Variants in HS6ST3 observed in about 807,000 individuals in gnomAD.
The protein encoded by HS6ST3 is heparan-sulfate 6-O-sulfotransferase 3.
Under a neutral mutation model 36.7 loss-of-function variants are expected in HS6ST3, and 12 were observed. The ratio of observed to expected loss-of-function variants is 0.33; its 90% CI spans 0.21 to 0.53. The LOEUF (loss-of-function observed/expected upper bound fraction) is 0.53, where lower values mean the gene tolerates loss of function less well. HS6ST3 is among the 20% of genes least tolerant of loss of function. The pLI is 0.95. For synonymous variants in HS6ST3, 240 were observed against 257.5 expected, an observed-to-expected ratio of 0.93 and a Z score of 0.65; for missense variants, 584 against 640.9, an observed-to-expected ratio of 0.91 and a Z score of 0.96.
intron 1 of HS6ST3, among the ~76,000 whole-genome samples, chr13:96,629,709 G>T (rs1167086152): frequency 6.6e-6 from 1 of 152,082 alleles, no homozygotes; most frequent in South Asian, 2.1e-4. Flanking sequence ...ATTTCTAGGT[G>T]TGGATTTCTT....
intron 1 of HS6ST3, among the ~76,000 whole-genome samples, chr13:96,386,701 C>G (rs1231818341): frequency 6.6e-6 from 1 of 152,050 alleles, no homozygotes; most frequent in East Asian, 1.9e-4. Context: ...CCTGTCTCTA[C>G]TAAAAATACA....
At chr13:96,199,977 T>C (rs1397492537) in intron 1 of HS6ST3, among the ~76,000 whole-genome samples, 1 of 152,178 alleles carries the variant, frequency 6.6e-6, no homozygotes, top group Admixed American at 6.5e-5. Flanking sequence ...GAAAAATATT[T>C]CTGACACTGA....
At chr13:96,418,940 T>A (rs2055548462) in intron 1 of HS6ST3, among the ~76,000 whole-genome samples, 1 of 152,212 alleles carries the variant, frequency 6.6e-6, no homozygotes, top group African/African-American at 2.4e-5. Flanking sequence ...AGGAGGGATC[T>A]GACCCATGTC....
At chr13:96,479,520 G>A (rs2055880363) in intron 1 of HS6ST3, among the ~76,000 whole-genome samples, 1 of 152,196 alleles carries the variant, frequency 6.6e-6, no homozygotes, top group Non-Finnish European at 1.5e-5. Flanking sequence ...AAATGGATTA[G>A]AATGGATTGA....
chr13:96,417,783 ACGGTAACGATGTTC>A (rs2055542050), intron 1 of HS6ST3, among the ~76,000 whole-genome samples: 1 of 149,962 alleles, frequency 6.7e-6, no homozygotes, highest in South Asian at 2.1e-4. Context: ...CTCATTATTC[ACGGTAACGATGTTC>A]TATAAAGTTG....
intron 1 of HS6ST3, among the ~76,000 whole-genome samples, chr13:96,370,935 G>A (rs899566905): frequency 2.0e-5 from 3 of 151,912 alleles, no homozygotes; most frequent in African/African-American, 7.2e-5. Context: ...TAAAAATGTC[G>A]ATTATTACTC....
At chr13:96,829,818 T>A (rs1878735715) in intron 1 of HS6ST3, among the ~76,000 whole-genome samples, 1 of 152,226 alleles carries the variant, frequency 6.6e-6, no homozygotes, top group Non-Finnish European at 1.5e-5. Flanking sequence ...CATGTGCATG[T>A]GTCTATATAA....
intron 1 of HS6ST3, among the ~76,000 whole-genome samples, chr13:96,131,853 C>T (rs993838207): frequency 2.7e-5 from 4 of 150,814 alleles, no homozygotes; most frequent in East Asian, 3.9e-4. Context: ...ACCTGACAAA[C>T]GTCACAAAAT....
chr13:96,484,163 GA>G (rs1395266592), intron 1 of HS6ST3, among the ~76,000 whole-genome samples: 1 of 151,726 alleles, frequency 6.6e-6, no homozygotes, highest in Non-Finnish European at 1.5e-5. Flanking sequence ...CTTTATTGAG[GA>G]AAAAATGGTA....
intron 1 of HS6ST3, among the ~76,000 whole-genome samples, chr13:96,301,183 A>C (rs1217454951): frequency 6.6e-6 from 1 of 152,228 alleles, no homozygotes. Flanking sequence ...TTTCTTATTC[A>C]CAATGTTAAC....
intron 1 of HS6ST3, among the ~76,000 whole-genome samples, chr13:96,410,624 A>G (rs1172552581): frequency 6.6e-6 from 1 of 152,212 alleles, no homozygotes; most frequent in Non-Finnish European, 1.5e-5. Flanking sequence ...TGGTTTGTTA[A>G]CCATAATTAT....
intron 1 of HS6ST3, among the ~76,000 whole-genome samples, chr13:96,105,484 C>G (rs2053837361): frequency 6.6e-6 from 1 of 152,020 alleles, no homozygotes; most frequent in African/African-American, 2.4e-5. Context: ...AAACCTGTCT[C>G]TACTAAAAAT....
intron 1 of HS6ST3, among the ~76,000 whole-genome samples, chr13:96,125,302 T>G (rs1264195149): frequency 6.6e-6 from 1 of 152,064 alleles, no homozygotes; most frequent in Non-Finnish European, 1.5e-5. Flanking sequence ...GGAGTCAAGA[T>G]CCAAATGAAA....
chr13:96,437,755 A>G (rs548191325), intron 1 of HS6ST3, among the ~76,000 whole-genome samples: 2 of 152,364 alleles, frequency 1.3e-5, no homozygotes, highest in African/African-American at 2.4e-5. Context: ...AGTTCATAAC[A>G]TGCTAGGGAA....
At chr13:96,268,001 C>T (rs1362920821) in intron 1 of HS6ST3, among the ~76,000 whole-genome samples, 1 of 151,922 alleles carries the variant, frequency 6.6e-6, no homozygotes, top group Non-Finnish European at 1.5e-5. Context: ...CACACACACT[C>T]AAGTGCAAAG....
chr13:96,129,381 G>T (rs907834515), intron 1 of HS6ST3, among the ~76,000 whole-genome samples: 1 of 152,226 alleles, frequency 6.6e-6, no homozygotes, highest in African/African-American at 2.4e-5. Flanking sequence ...GGCATATGGA[G>T]TAAGTTACAG....
At chr13:96,464,163 C>CAAAAAAAAAAAA (rs1322172089) in intron 1 of HS6ST3, among the ~76,000 whole-genome samples, 40 of 64,798 alleles carry the variant, frequency 6.2e-4, no homozygotes, top group Non-Finnish European at 1.0e-3. Context: ...AAAAAAAAAT[C>CAAAAAAAAAAAA]AAAGATCTGA....
At chr13:96,806,203 G>T in intron 1 of HS6ST3, among the ~76,000 whole-genome samples, 1 of 152,156 alleles carries the variant, frequency 6.6e-6, no homozygotes, top group East Asian at 1.9e-4. Flanking sequence ...TTCACCCAGA[G>T]AATATCCTTG....
At chr13:96,364,164 C>A (rs534950366) in intron 1 of HS6ST3, among the ~76,000 whole-genome samples, 4 of 151,848 alleles carry the variant, frequency 2.6e-5, no homozygotes, top group Non-Finnish European at 5.9e-5. Context: ...AAATTGAAAC[C>A]CATGTACACT....
Sources: gnomAD v4.1 joint callset for allele counts (sites outside exome capture counted in the v4.1 genomes callset) on GRCh38, gnomAD v4.1.1 for gene constraint, MANE v1.5 for transcripts, NCBI Gene and HGNC (gene_info 2026-07-23, HGNC 2026-07-21) for gene names.